RRBP1: variants seen among roughly 807,000 people sequenced by gnomAD.
RRBP1 encodes ribosome binding protein 1, also known as ribosome-binding protein 1.
Under a neutral mutation model 165.2 loss-of-function variants are expected in RRBP1, and 94 were observed. That is an observed-to-expected ratio of 0.57 (90% CI 0.48 to 0.68). The LOEUF is 0.68. Ranked by LOEUF, RRBP1 falls within the 30% of genes least tolerant of loss-of-function variation. RRBP1 has a pLI of 0.00. For missense variants in RRBP1, 1,676 were observed against 1,763.0 expected, an observed-to-expected ratio of 0.95 and a Z score of 0.88; for synonymous variants, 680 against 714.5, an observed-to-expected ratio of 0.95 and a Z score of 0.77.
intron 16 of RRBP1, among the ~76,000 whole-genome samples, chr20:17,621,244 C>G (rs1410909312): frequency 1.3e-5 from 2 of 152,192 alleles, no homozygotes; most frequent in Non-Finnish European, 2.9e-5. Flanking sequence ...GAGACCGGCC[C>G]CGAACCTTCA....
Position 17,659,094 on chromosome 20 carries a change from C to T in RRBP1, c.1414G>A (p.Val472Ile). 6.5e-7 allele frequency: 1 copy of T among 1,538,690 alleles called. No individual in the cohort carries two copies. Among genetic ancestry groups the T allele is most frequent in the East Asian group, 2.5e-5 (1 of 40,110 alleles). ...TTGCCCTGGTTCTGGGCCCCTTCTA[C>T]TTTTTTGCCCTGGTTCTGAGCACCC... ...AEGAQNQGKKVEGAQNQGKKA... is the reference protein window; with the variant it reads ...AEGAQNQGKKIEGAQNQGKKA... The change falls in exon 3 of 25, where the codon GTA becomes ATA. Residue 472 changes from valine to isoleucine, a missense_variant. Val to Ile is a conservative substitution (Grantham distance 29). Transcript: ENST00000377813.
At chr20:17,642,831 G>C (rs151248591) in intron 4 of RRBP1, 148 bp downstream of exon 4, 4 of 872,418 alleles carry the variant, frequency 4.6e-6, no homozygotes, top group Admixed American at 5.3e-5. Flanking sequence ...AAGCACCTGC[G>C]AGCGATCCCT....
chr20:17,637,319 G>A (rs2122338850), intron 5 of RRBP1, among the ~76,000 whole-genome samples: 1 of 152,274 alleles, frequency 6.6e-6, no homozygotes, highest in East Asian at 1.9e-4. Flanking sequence ...GGGGGGTCCG[G>A]CGTCTCCAGC....
chr20:17,647,802 A>T (rs965912405), intron 3 of RRBP1, among the ~76,000 whole-genome samples: 2 of 152,160 alleles, frequency 1.3e-5, no homozygotes, highest in Non-Finnish European at 2.9e-5. Context: ...AGACACACAC[A>T]TGTAGTCTGA....
chr20:17,658,553 G>A (rs933676978), intron 3 of RRBP1, 43 bp downstream of exon 3: 12 of 1,501,754 alleles, frequency 8.0e-6, no homozygotes, highest in Non-Finnish European at 9.9e-6. Context: ...GTCATTTAAA[G>A]ACAGCCTTTC....
chr20:17,621,459 G>A lies in RRBP1; in HGVS notation c.3413C>T (p.Thr1138Met), dbSNP rs762977334. Residue 1138 changes from threonine to methionine, a missense_variant and splice_region_variant, in exon 16 of 25, where the codon ACG (threonine) becomes ATG (methionine). By Grantham distance (81) the Thr-to-Met change is moderately conservative (BLOSUM62 -1). This residue lies in a region of RRBP1 where 1,184 missense variants were observed against 1,167.1 expected (regional missense o/e 1.01). Coordinates refer to ENST00000377813, the MANE Select transcript of RRBP1 (RefSeq NM_001365613.2). ...CDQYRSILAETEGMLRDLQKS... is the reference protein window; with the variant it reads ...CDQYRSILAEMEGMLRDLQKS... ...AGCTGACAGGTTCCCAATGCTCACC[G>A]TCTCCGCCAGGATGCTGCGGTACTG... The A allele has an allele frequency of 5.0e-6, 8 of 1,610,426 alleles. No individual in the cohort carries two copies. The highest frequency in any genetic ancestry group is 6.8e-6 in the Non-Finnish European group (8 of 1,178,760).
chr20:17,636,989 G>A (rs1020995941), intron 5 of RRBP1, among the ~76,000 whole-genome samples: 4 of 152,216 alleles, frequency 2.6e-5, no homozygotes, highest in African/African-American at 7.2e-5. Context: ...GGCAGATGCG[G>A]CAGGAACAGC....
In RRBP1 at chr20:17,637,104, A is replaced by AGTAGAAGG. The variant is rs2036262411; in HGVS notation, c.2185-376_2185-375insCCTTCTAC. ...GTCACCAACATCCAGGGCCCCTGGG[A>AGTAGAAGG]CACCTACTTCTACTCAAGTGCCTTC... On this transcript the variant is annotated intron_variant, in intron 5 of 24. Transcript: ENST00000377813. Among the ~76,000 whole-genome samples the AGTAGAAGG allele has an allele frequency of 2.0e-5, 3 of 150,442 alleles. No individual in the cohort carries two copies. In the South Asian group the frequency reaches 6.3e-4, roughly 31 times the overall value.
intron 8 of RRBP1, among the ~76,000 whole-genome samples, chr20:17,630,449 GA>G (rs999822807): frequency 4.6e-5 from 7 of 152,194 alleles, no homozygotes; most frequent in Non-Finnish European, 1.0e-4. Context: ...TGAACCACGT[GA>G]AATTGTCAGT....
intron 5 of RRBP1, among the ~76,000 whole-genome samples, chr20:17,638,564 G>A (rs2036289212): frequency 6.6e-6 from 1 of 152,206 alleles, no homozygotes; most frequent in Admixed American, 6.5e-5. Context: ...TTAAAGAGCA[G>A]AGAAAAGTCA....
At chr20:17,615,331 G>C (rs560890396) in intron 23 of RRBP1, 100 bp downstream of exon 23, 2 of 922,798 alleles carry the variant, frequency 2.2e-6, no homozygotes, top group African/African-American at 3.4e-5. Flanking sequence ...GGTCCCGGTG[G>C]GGTCGGCTCT....
intron 5 of RRBP1, among the ~76,000 whole-genome samples, 164 bp from the exon 6 acceptor site, chr20:17,636,893 G>A (rs968019248): frequency 4.6e-5 from 7 of 152,212 alleles, no homozygotes; most frequent in African/African-American, 9.6e-5. Context: ...CAGTGGGAAC[G>A]ACGACAGACA....
intron 3 of RRBP1, among the ~76,000 whole-genome samples, chr20:17,648,496 G>A (rs1228254554): frequency 6.6e-6 from 1 of 152,258 alleles, no homozygotes; most frequent in African/African-American, 2.4e-5. Flanking sequence ...AGGCGCAGCT[G>A]CACTTGACCC....
At chr20:17,644,803 G>T (rs2036434005) in intron 3 of RRBP1, among the ~76,000 whole-genome samples, 2 of 152,300 alleles carry the variant, frequency 1.3e-5, no homozygotes, top group South Asian at 4.1e-4. Flanking sequence ...GAAAAAAAAA[G>T]AATGTGAAGT....
chr20:17,643,142 G>A lies in RRBP1; in HGVS notation c.1913-15C>T, dbSNP rs779672316. Reference sequence around the variant, plus strand: ...ATCTGGGGGCCCTGTGCAGCAAGAGGGAAAGAGCTGAGACTTAGGCCCATA... The same window carrying A: ...ATCTGGGGGCCCTGTGCAGCAAGAGAGAAAGAGCTGAGACTTAGGCCCATA... On this transcript the variant is annotated splice_polypyrimidine_tract_variant and intron_variant, in intron 3 of 24. Transcript: ENST00000377813. The surrounding 1 kb of genome is among the most constrained non-coding windows in gnomAD (Gnocchi z 4.3). 1 of 1,612,556 alleles carries A rather than the reference G, an allele frequency of 6.2e-7. No individual in the cohort carries two copies. Among genetic ancestry groups the A allele is most frequent in the Middle Eastern group, 1.6e-4 (1 of 6,062 alleles).
At chr20:17,636,769 G>A in intron 5 of RRBP1, 40 bp from the exon 6 acceptor site, 3 of 1,609,588 alleles carry the variant, frequency 1.9e-6, no homozygotes, top group African/African-American at 1.3e-5. Context: ...GGTAAGCCTT[G>A]CAGGGCAGGA....
intron 17 of RRBP1, 134 bp from the exon 18 acceptor site, chr20:17,620,504 G>T: frequency 1.1e-6 from 1 of 902,010 alleles, no homozygotes. Context: ...AGCTGGGACG[G>T]TCACCCTGGC....
intron 3 of RRBP1, among the ~76,000 whole-genome samples, chr20:17,655,182 CTTTTA>C (rs972582847): frequency 6.6e-6 from 1 of 152,144 alleles, no homozygotes; most frequent in African/African-American, 2.4e-5. Flanking sequence ...TGCTTTCTGA[CTTTTA>C]TTTTTTTCTT....
rs745522355 is a variant in RRBP1 at position 17,660,207 on chromosome 20, G to A, written c.301C>T (p.Arg101Trp). 32 of 1,613,706 alleles carry A rather than the reference G, an allele frequency of 2.0e-5. No individual in the cohort carries two copies. In the Middle Eastern group the frequency reaches 4.9e-4, roughly 25 times the overall value. Residue 101 changes from arginine (R) to tryptophan (W), a missense_variant, in exon 3 of 25, where the codon CGG (arginine) becomes TGG (tryptophan). Arg to Trp is a moderately radical substitution (Grantham distance 101, BLOSUM62 -3). Transcript: ENST00000377813. ...GGAGCCACAGCCACAGCAGGAGCCC[G>A]CACTGGTTCTCGAAGGAGGACAGTC... ...NVTVLLREPV[R>W]APAVAVAPTP...
Sources: gnomAD v4.1 joint callset for allele counts (sites outside exome capture counted in the v4.1 genomes callset) on GRCh38, gnomAD v4.1.1 for gene constraint, gnomAD v4.1.1 regional missense constraint, Gnocchi (gnomAD v3.1) non-coding constraint, MANE v1.5 for transcripts, NCBI Gene and HGNC (gene_info 2026-07-23, HGNC 2026-07-21) for gene names.